The following NOL4L variants were observed in gnomAD, a reference collection of about 807,000 sequenced individuals.
NOL4L encodes nucleolar protein 4 like, also known as nucleolar protein 4-like.
NOL4L carries 7 observed loss-of-function variants against 64.5 expected under a neutral mutation model. That is an observed-to-expected ratio of 0.11 (90% CI 0.06 to 0.20). The LOEUF is 0.20. NOL4L is among the 10% of genes least tolerant of loss of function. The probability of loss-of-function intolerance (pLI) is 1.00; values close to 1 mark genes in which losing one functional copy is unlikely to be tolerated. For missense variants in NOL4L, 680 were observed against 967.1 expected (o/e 0.70, Z 3.94); for synonymous variants, 413 against 401.0 (o/e 1.03, Z -0.36).
At chr20:32,529,643 G>A (rs916017967) in intron 1 of NOL4L, among the ~76,000 whole-genome samples, 3 of 152,198 alleles carry the variant, frequency 2.0e-5, no homozygotes, top group Admixed American at 6.5e-5. Flanking sequence ...GGGGGCAAAG[G>A]GCATCTGGGA....
chr20:32,475,543 G>A (rs1272543562), intron 4 of NOL4L, among the ~76,000 whole-genome samples: 1 of 152,254 alleles, frequency 6.6e-6, no homozygotes, highest in South Asian at 2.1e-4. Context: ...GGGAACCCCC[G>A]GGGCGGGGCC....
At chr20:32,540,562 T>C (rs1180836283) in intron 1 of NOL4L, among the ~76,000 whole-genome samples, 1 of 152,126 alleles carries the variant, frequency 6.6e-6, no homozygotes, top group Non-Finnish European at 1.5e-5. Flanking sequence ...CATTCACTGA[T>C]TCAACAAATC....
intron 1 of NOL4L, among the ~76,000 whole-genome samples, chr20:32,579,736 C>A (rs1292313314): frequency 2.0e-5 from 3 of 152,152 alleles, no homozygotes; most frequent in African/African-American, 7.2e-5. Context: ...CGAAATGCAG[C>A]CCCCCAGAGT....
At chr20:32,452,054 A>C (rs1258408917) in intron 10 of NOL4L, among the ~76,000 whole-genome samples, 182 bp downstream of exon 10, 1 of 152,168 alleles carries the variant, frequency 6.6e-6, no homozygotes, top group Non-Finnish European at 1.5e-5. Flanking sequence ...CAATCTAAGG[A>C]CCAGCTAAGA....
At position 32,517,069 on chromosome 20, in the gene NOL4L, G is replaced by A. The variant is rs538069576; in HGVS notation, c.589+3742C>T. Among the ~76,000 whole-genome samples, 14 of 152,308 alleles carry A rather than the reference G, an allele frequency of 9.2e-5. No homozygotes were observed. In the South Asian group the frequency reaches 1.7e-3, roughly 18 times the overall value. On this transcript the variant is annotated intron_variant, in intron 3 of 10. Coordinates refer to ENST00000621426, the MANE Select transcript of NOL4L (RefSeq NM_001256798.2). ...GAGTCAGGAGGTCCTGGAATTTCCC[G>A]TCCTCAGACTTCCTGATCCTCTGCC...
chr20:32,570,782 G>A (rs1274928334), intron 1 of NOL4L, among the ~76,000 whole-genome samples: 1 of 152,174 alleles, frequency 6.6e-6, no homozygotes, highest in African/African-American at 2.4e-5. Flanking sequence ...TGCAAGCAGG[G>A]CATGCTTAGC....
chr20:32,517,605 C>T (rs1167499168), intron 3 of NOL4L, among the ~76,000 whole-genome samples: 1 of 152,228 alleles, frequency 6.6e-6, no homozygotes, highest in Non-Finnish European at 1.5e-5. Context: ...CCCTTCTAAC[C>T]CTGTCCAGGG....
chr20:32,529,366 G>A (rs1013355903), intron 1 of NOL4L, among the ~76,000 whole-genome samples: 4 of 152,216 alleles, frequency 2.6e-5, no homozygotes, highest in Admixed American at 2.0e-4. Flanking sequence ...CCAGGTATGA[G>A]AGAGCCGAAC....
intron 5 of NOL4L, among the ~76,000 whole-genome samples, chr20:32,469,366 T>C (rs2014831619): frequency 6.6e-6 from 1 of 151,264 alleles, no homozygotes; most frequent in Non-Finnish European, 1.5e-5. Context: ...TTTCTATTTT[T>C]TTTTCTTTTT....
intron 4 of NOL4L, among the ~76,000 whole-genome samples, chr20:32,475,931 G>A (rs961141753): frequency 6.6e-6 from 1 of 152,180 alleles, no homozygotes; most frequent in African/African-American, 2.4e-5. Context: ...GGCTGGTAGG[G>A]AGTTTCCTGG....
chr20:32,565,635 A>C (rs1979382551), intron 1 of NOL4L, among the ~76,000 whole-genome samples: 1 of 152,146 alleles, frequency 6.6e-6, no homozygotes, highest in Admixed American at 6.5e-5. Context: ...CTCTCTGTAA[A>C]CTGGGGCTAT....
chr20:32,563,905 TC>T (rs1979255854), intron 1 of NOL4L, among the ~76,000 whole-genome samples: 1 of 152,216 alleles, frequency 6.6e-6, no homozygotes. Context: ...AAGCGTATCC[TC>T]GGCAGCCACC....
intron 3 of NOL4L, among the ~76,000 whole-genome samples, chr20:32,512,501 C>G (rs1474569003): frequency 6.6e-6 from 1 of 152,122 alleles, no homozygotes; most frequent in African/African-American, 2.4e-5. Context: ...CTTTGTTGTC[C>G]TGAAGATCAA....
chr20:32,572,077 C>G (rs1352190083), intron 1 of NOL4L, among the ~76,000 whole-genome samples: 1 of 152,210 alleles, frequency 6.6e-6, no homozygotes, highest in Admixed American at 6.5e-5. Context: ...CCAGGTAACA[C>G]CACAGAGGAT....
intron 1 of NOL4L, among the ~76,000 whole-genome samples, chr20:32,580,304 C>A (rs1264780007): frequency 6.6e-6 from 1 of 152,092 alleles, no homozygotes; most frequent in African/African-American, 2.4e-5. Flanking sequence ...GTAGGTGACC[C>A]CCGAAACAGC....
At chr20:32,570,337 G>A (rs76119950) in intron 1 of NOL4L, among the ~76,000 whole-genome samples, 307 of 152,280 alleles carry the variant, frequency 2.0e-3, no homozygotes, top group African/African-American at 7.0e-3. Context: ...CATCTTAGGC[G>A]CTGCGTTGGC....
intron 1 of NOL4L, among the ~76,000 whole-genome samples, chr20:32,565,406 C>T (rs1007151462): frequency 6.6e-6 from 1 of 152,208 alleles, no homozygotes; most frequent in African/African-American, 2.4e-5. Flanking sequence ...TGGTCGGGGA[C>T]CACAAATCTG....
chr20:32,571,726 T>G (rs1206077831), intron 1 of NOL4L, among the ~76,000 whole-genome samples: 1 of 152,156 alleles, frequency 6.6e-6, no homozygotes, highest in African/African-American at 2.4e-5. Context: ...CCCAAGATCA[T>G]GCACTGGCCA....
chr20:32,548,792 T>C (rs1600865006), intron 1 of NOL4L: 1 of 444,466 alleles, frequency 2.2e-6, no homozygotes. Flanking sequence ...ACTGAAGTCT[T>C]GCGAGAGCAG....
Sources: allele counts gnomAD v4.1 joint callset (sites outside exome capture counted in the v4.1 genomes callset), GRCh38; gene constraint gnomAD v4.1.1; transcripts MANE v1.5; gene names NCBI Gene and HGNC (gene_info 2026-07-23, HGNC 2026-07-21).